The following AKT3 variants were observed in gnomAD, a reference collection of about 807,000 sequenced individuals.
AKT3 encodes AKT serine/threonine kinase 3.
In AKT3, 15 loss-of-function variants were observed where a neutral mutation model predicts 65.3. The ratio of observed to expected loss-of-function variants is 0.23; its 90% CI spans 0.15 to 0.35. AKT3 has a LOEUF of 0.35. Ranked by LOEUF, AKT3 falls within the 10% of genes least tolerant of loss-of-function variation. AKT3 has a pLI of 1.00. For synonymous variants in AKT3, 206 were observed against 183.8 expected (o/e 1.12, Z -0.98); for missense variants, 243 against 576.5 (o/e 0.42, Z 5.92).
chr1:243,730,776 C>G (rs1036880696), intron 2 of AKT3, among the ~76,000 whole-genome samples: 4 of 152,186 alleles, frequency 2.6e-5, no homozygotes, highest in African/African-American at 9.7e-5. Flanking sequence ...GCTGGCGTCC[C>G]CAAGTTTTTA....
chr1:243,699,574 G>A (rs1197454236), intron 2 of AKT3, among the ~76,000 whole-genome samples: 1 of 145,452 alleles, frequency 6.9e-6, no homozygotes, highest in African/African-American at 2.6e-5. Context: ...TACCTATGTT[G>A]AAGTATGCTG....
chr1:243,682,319 AAAAT>A (rs1683982934), intron 3 of AKT3, among the ~76,000 whole-genome samples: 2 of 152,138 alleles, frequency 1.3e-5, no homozygotes, highest in South Asian at 4.1e-4. Context: ...AAATTTTTAA[AAAAT>A]AAATATATAA....
At chr1:243,750,116 A>G (rs1256386027) in intron 2 of AKT3, among the ~76,000 whole-genome samples, 1 of 152,206 alleles carries the variant, frequency 6.6e-6, no homozygotes, top group Non-Finnish European at 1.5e-5. Flanking sequence ...AAAGTGCTTC[A>G]GTTTCTAAAT....
At chr1:243,616,146 C>T (rs1419470639) in intron 6 of AKT3, among the ~76,000 whole-genome samples, 1 of 151,260 alleles carries the variant, frequency 6.6e-6, no homozygotes, top group African/African-American at 2.4e-5. Context: ...TTTTGGTGCA[C>T]CCATCACCTG....
At chr1:243,699,246 T>C (rs1235476004) in intron 2 of AKT3, among the ~76,000 whole-genome samples, 1 of 151,920 alleles carries the variant, frequency 6.6e-6, no homozygotes, top group Non-Finnish European at 1.5e-5. Context: ...CATACTTTTA[T>C]GTTTATGGCC....
At chr1:243,697,621 G>A (rs1427956759) in intron 2 of AKT3, among the ~76,000 whole-genome samples, 1 of 152,012 alleles carries the variant, frequency 6.6e-6, no homozygotes, top group Non-Finnish European at 1.5e-5. Flanking sequence ...TGGTCACATA[G>A]AAAACCCTGG....
At chr1:243,583,307 G>A (rs1675543138) in intron 8 of AKT3, among the ~76,000 whole-genome samples, 1 of 148,278 alleles carries the variant, frequency 6.7e-6, no homozygotes, top group Non-Finnish European at 1.5e-5. Context: ...TCTACAAAAA[G>A]ACATAGACAG....
At chr1:243,808,460 C>A (rs368392475) in intron 2 of AKT3, among the ~76,000 whole-genome samples, 1 of 151,808 alleles carries the variant, frequency 6.6e-6, no homozygotes, top group Non-Finnish European at 1.5e-5. Flanking sequence ...TGAAATGAAG[C>A]GAGAAGAGAA....
intron 2 of AKT3, among the ~76,000 whole-genome samples, chr1:243,750,535 A>C (rs935070516): frequency 2.7e-5 from 4 of 147,840 alleles, no homozygotes; most frequent in Admixed American, 6.7e-5. Flanking sequence ...TGAATATACT[A>C]CTCTTTACCG....
At chr1:243,660,839 A>G (rs1182370682) in intron 4 of AKT3, among the ~76,000 whole-genome samples, 1 of 152,214 alleles carries the variant, frequency 6.6e-6, no homozygotes, top group Non-Finnish European at 1.5e-5. Context: ...AATCTCCTTA[A>G]GCTGATAAGC....
At chr1:243,723,448 G>C (rs1687033990) in intron 2 of AKT3, among the ~76,000 whole-genome samples, 1 of 152,162 alleles carries the variant, frequency 6.6e-6, no homozygotes, top group Non-Finnish European at 1.5e-5. Context: ...AAGAATGCAA[G>C]TTAAATGTTC....
intron 8 of AKT3, among the ~76,000 whole-genome samples, chr1:243,605,785 G>T (rs1253696020): frequency 1.3e-5 from 2 of 152,168 alleles, no homozygotes; most frequent in Admixed American, 6.5e-5. Flanking sequence ...TGAGAAACTT[G>T]CTGGTAGGCA....
At chr1:243,574,771 C>T (rs369546395) in intron 8 of AKT3, among the ~76,000 whole-genome samples, 1 of 152,088 alleles carries the variant, frequency 6.6e-6, no homozygotes, top group Non-Finnish European at 1.5e-5. Flanking sequence ...ATATCACTAA[C>T]TTTGATGAAA....
chr1:243,599,555 G>C (rs993469104), intron 8 of AKT3, among the ~76,000 whole-genome samples: 1 of 152,114 alleles, frequency 6.6e-6, no homozygotes, highest in Non-Finnish European at 1.5e-5. Flanking sequence ...CATATTGTTT[G>C]AAAGTCTACC....
rs181671235 is a variant in AKT3 at position 243,639,515 on chromosome 1, A to C, written c.430-1773T>G. Among the ~76,000 whole-genome samples the C allele has an allele frequency of 2.9e-4, 44 of 152,320 alleles. No individual in the cohort carries two copies. The East Asian group carries it at 7.5e-3, about 26-fold the overall frequency. ...ACCCACCAAAACCAAGATGGTGATG[A>C]AAGTGACCTCCGGTTGTCCCCACTG... is the stretch of plus-strand genomic sequence containing the variant. On this transcript the variant is annotated intron_variant, in intron 5 of 13. Transcript: ENST00000673466.
intron 4 of AKT3, among the ~76,000 whole-genome samples, chr1:243,659,316 A>C (rs775783596): frequency 1.8e-4 from 27 of 152,344 alleles, no homozygotes; most frequent in African/African-American, 5.8e-4. Context: ...CAGTCATGCC[A>C]GATGAAAACG....
intron 2 of AKT3, among the ~76,000 whole-genome samples, chr1:243,815,779 T>TGTTGTTGTTGTTGTTGTG (rs963982595): frequency 1.2e-4 from 18 of 150,674 alleles, no homozygotes; most frequent in Non-Finnish European, 2.2e-4. Flanking sequence ...CCCAGCTAGT[T>TGTTGTTGTTGTTGTTGTG]GTTGTTGTTG....
intron 3 of AKT3, among the ~76,000 whole-genome samples, chr1:243,692,206 G>T (rs79413544): frequency 0.012 from 1,779 of 152,170 alleles, 32 homozygotes; most frequent in African/African-American, 0.041. Context: ...CGTGAGACAG[G>T]TCATAAAACT....
At chr1:243,551,655 A>G (rs1673074223) in intron 11 of AKT3, among the ~76,000 whole-genome samples, 1 of 152,014 alleles carries the variant, frequency 6.6e-6, no homozygotes, top group Non-Finnish European at 1.5e-5. Flanking sequence ...ATATTCAACA[A>G]TATGTGAAAT....
Sources: allele counts gnomAD v4.1 joint callset (sites outside exome capture counted in the v4.1 genomes callset), GRCh38; gene constraint gnomAD v4.1.1; transcripts MANE v1.5; gene names NCBI Gene and HGNC (gene_info 2026-07-23, HGNC 2026-07-21).